THSD7B: variants seen among roughly 807,000 people sequenced by gnomAD.
THSD7B encodes thrombospondin type 1 domain containing 7B, also known as thrombospondin type-1 domain-containing protein 7B.
Under a neutral mutation model 213.6 loss-of-function variants are expected in THSD7B, and 138 were observed. The observed-to-expected ratio is 0.65, with a 90% CI of 0.56 to 0.74. The LOEUF (loss-of-function observed/expected upper bound fraction) is 0.74. Ranked by LOEUF, THSD7B falls within the 30% of genes least tolerant of loss-of-function variation. The pLI, the probability that THSD7B is intolerant of heterozygous loss-of-function variation, is 0.00. For synonymous variants in THSD7B, 742 were observed against 687.0 expected, an observed-to-expected ratio of 1.08 and a Z score of -1.25; for missense variants, 1,931 against 1,991.5, an observed-to-expected ratio of 0.97 and a Z score of 0.58.
intron 1 of THSD7B, among the ~76,000 whole-genome samples, chr2:136,802,903 G>C (rs1347575106): frequency 1.3e-5 from 2 of 151,532 alleles, no homozygotes; most frequent in Non-Finnish European, 2.9e-5. Context: ...ATCACCTCAT[G>C]ATGGGTATGC....
intron 12 of THSD7B, among the ~76,000 whole-genome samples, chr2:137,304,814 A>G (rs1683706097): frequency 6.6e-6 from 1 of 151,990 alleles, no homozygotes; most frequent in South Asian, 2.1e-4. Flanking sequence ...TAGTTTTCTT[A>G]GCAACTGTGC....
rs567643033 is a variant in THSD7B at position 137,242,880 on chromosome 2, A to G, written c.2266+308A>G. ...ATTCCCATGTGATTCCTTATAAAGCATCATCACAATCACAGTTTCTATGTG... is the reference window on the plus strand; with the variant it reads ...ATTCCCATGTGATTCCTTATAAAGCGTCATCACAATCACAGTTTCTATGTG... On this transcript the variant is annotated intron_variant, in intron 10 of 27. Transcript: ENST00000409968. Among the ~76,000 whole-genome samples the G allele has an allele frequency of 7.9e-5, 12 of 152,294 alleles. No individual in the cohort carries two copies. The South Asian group carries it at 2.5e-3, about 32-fold the overall frequency.
chr2:136,986,615 TAAC>T (rs970668438), intron 2 of THSD7B, among the ~76,000 whole-genome samples: 3 of 152,198 alleles, frequency 2.0e-5, no homozygotes, highest in African/African-American at 7.2e-5. Context: ...AGGAAGCAAA[TAAC>T]AAGCTTCTAA....
chr2:137,573,980 C>A (rs1354337564), intron 17 of THSD7B, among the ~76,000 whole-genome samples: 1 of 152,018 alleles, frequency 6.6e-6, no homozygotes, highest in Non-Finnish European at 1.5e-5. Flanking sequence ...GTGATTATTC[C>A]ATGAGTGAGT....
At chr2:137,346,726 T>G (rs908032195) in intron 12 of THSD7B, among the ~76,000 whole-genome samples, 4 of 151,726 alleles carry the variant, frequency 2.6e-5, no homozygotes, top group Non-Finnish European at 5.9e-5. Flanking sequence ...GCTGTAAAAT[T>G]CTAGCCTATA....
intron 2 of THSD7B, among the ~76,000 whole-genome samples, chr2:136,931,453 T>C (rs1485560986): frequency 6.6e-6 from 1 of 152,200 alleles, no homozygotes; most frequent in Non-Finnish European, 1.5e-5. Flanking sequence ...CTGCCTCTTG[T>C]CAAGGTGATG....
chr2:137,664,932 A>G (rs1683419520), intron 26 of THSD7B, among the ~76,000 whole-genome samples: 1 of 152,172 alleles, frequency 6.6e-6, no homozygotes, highest in Non-Finnish European at 1.5e-5. Context: ...CTCCTTCCAA[A>G]CCCTAGGCCT....
chr2:137,087,135 A>G (rs1687855858), intron 3 of THSD7B, among the ~76,000 whole-genome samples: 1 of 152,230 alleles, frequency 6.6e-6, no homozygotes, highest in South Asian at 2.1e-4. Flanking sequence ...CATGAGGAAG[A>G]TCTTTTCCAG....
intron 5 of THSD7B, among the ~76,000 whole-genome samples, chr2:137,139,953 C>A (rs569318571): frequency 2.0e-5 from 3 of 151,756 alleles, no homozygotes; most frequent in Non-Finnish European, 4.4e-5. Context: ...TTTAATTATT[C>A]GAATTGGTTT....
intron 15 of THSD7B, among the ~76,000 whole-genome samples, chr2:137,498,699 CAAAAG>C (rs1045109593): frequency 2.0e-5 from 3 of 151,772 alleles, no homozygotes; most frequent in Non-Finnish European, 4.4e-5. Context: ...CAGTAAGAAA[CAAAAG>C]AGAAAGGGAG....
intron 7 of THSD7B, among the ~76,000 whole-genome samples, chr2:137,202,926 A>G (rs1379656414): frequency 6.6e-6 from 1 of 152,162 alleles, no homozygotes; most frequent in Non-Finnish European, 1.5e-5. Context: ...TAGAGAGATG[A>G]TGGCTAGATA....
chr2:137,307,237 A>G (rs1255478015), intron 12 of THSD7B, among the ~76,000 whole-genome samples: 1 of 152,096 alleles, frequency 6.6e-6, no homozygotes, highest in African/African-American at 2.4e-5. Flanking sequence ...AGTTGACTTT[A>G]GGCCTTATTC....
At chr2:137,197,755 A>G (rs1573880548) in intron 7 of THSD7B, among the ~76,000 whole-genome samples, 1 of 152,168 alleles carries the variant, frequency 6.6e-6, no homozygotes, top group Admixed American at 6.5e-5. Context: ...TTCTCTTAAC[A>G]TTTTAGGGCA....
At chr2:137,553,434 G>A (rs113044723) in intron 15 of THSD7B, among the ~76,000 whole-genome samples, 1 of 152,138 alleles carries the variant, frequency 6.6e-6, no homozygotes, top group African/African-American at 2.4e-5. Context: ...GTATCAGAAA[G>A]CAGTACTTAG....
intron 15 of THSD7B, among the ~76,000 whole-genome samples, chr2:137,517,732 G>A (rs1378415505): frequency 1.3e-5 from 2 of 152,184 alleles, no homozygotes; most frequent in African/African-American, 4.8e-5. Flanking sequence ...CAATGGTGCT[G>A]GAGGTATCAG....
intron 2 of THSD7B, among the ~76,000 whole-genome samples, chr2:137,052,039 G>T (rs1687079302): frequency 6.6e-6 from 1 of 152,090 alleles, no homozygotes; most frequent in Non-Finnish European, 1.5e-5. Flanking sequence ...TCACATATTT[G>T]CATTTCCTGC....
intron 12 of THSD7B, among the ~76,000 whole-genome samples, chr2:137,353,839 A>C (rs1166818279): frequency 6.6e-6 from 1 of 152,116 alleles, no homozygotes. Flanking sequence ...GAGATTCCAC[A>C]TGTGATTGAA....
chr2:136,806,316 C>T (rs879885524), intron 1 of THSD7B, among the ~76,000 whole-genome samples: 5 of 152,192 alleles, frequency 3.3e-5, no homozygotes, highest in Non-Finnish European at 7.3e-5. Flanking sequence ...TTCCCAACTC[C>T]TAGCTGCATG....
At chr2:136,809,177 G>A (rs575673314) in intron 1 of THSD7B, among the ~76,000 whole-genome samples, 1 of 152,128 alleles carries the variant, frequency 6.6e-6, no homozygotes, top group Admixed American at 6.5e-5. Context: ...ATCAAGGCAG[G>A]GTCTAGGAAT....
Sources: allele counts gnomAD v4.1 joint callset (sites outside exome capture counted in the v4.1 genomes callset), GRCh38; gene constraint gnomAD v4.1.1; transcripts MANE v1.5; gene names NCBI Gene and HGNC (gene_info 2026-07-23, HGNC 2026-07-21).